The following CDH4 variants were observed in gnomAD, a reference collection of about 807,000 sequenced individuals.
CDH4 encodes cadherin 4, also known as cadherin-4.
In CDH4, 33 loss-of-function variants were observed where a neutral mutation model predicts 86.0. The observed-to-expected ratio is 0.38, with a 90% CI of 0.29 to 0.51. The LOEUF (loss-of-function observed/expected upper bound fraction) is 0.51. Ranked by LOEUF, CDH4 falls within the 20% of genes least tolerant of loss-of-function variation. CDH4 has a pLI of 0.86. For synonymous variants in CDH4, 555 were observed against 549.4 expected, an observed-to-expected ratio of 1.01 and a Z score of -0.14; for missense variants, 1,114 against 1,307.4, an observed-to-expected ratio of 0.85 and a Z score of 2.28.
At chr20:61,852,624 GC>G (rs981968397) in intron 5 of CDH4, 129 bp from the exon 6 acceptor site, 21 of 821,498 alleles carry the variant, frequency 2.6e-5, no homozygotes, top group Admixed American at 2.4e-4. Context: ...CGTGTCCAAA[GC>G]CCCCCGGCCC....
intron 2 of CDH4, among the ~76,000 whole-genome samples, chr20:61,304,084 G>A (rs546926483): frequency 3.9e-5 from 6 of 152,248 alleles, no homozygotes; most frequent in East Asian, 1.9e-4. Context: ...CAAGGAACCC[G>A]TGTCCTGGGG....
intron 2 of CDH4, among the ~76,000 whole-genome samples, chr20:61,596,942 A>G (rs1600793086): frequency 1.3e-5 from 2 of 152,228 alleles, no homozygotes; most frequent in Non-Finnish European, 2.9e-5. Flanking sequence ...GCAAATAATC[A>G]TATTGGCATG....
chr20:61,427,447 T>C (rs2085221181), intron 2 of CDH4, among the ~76,000 whole-genome samples: 1 of 152,106 alleles, frequency 6.6e-6, no homozygotes, highest in South Asian at 2.1e-4. Flanking sequence ...TCCCTGATTC[T>C]GGATCTGTGT....
intron 3 of CDH4, 105 bp downstream of exon 3, chr20:61,743,894 C>A: frequency 1.2e-6 from 1 of 852,798 alleles, no homozygotes; most frequent in Non-Finnish European, 1.9e-6. Flanking sequence ...CAGACAGTCA[C>A]CTCCTCCTCG....
rs982990910 is a variant in CDH4, at chr20:61,657,888, C to T, written c.170-85675C>T. 7.2e-5 allele frequency among the ~76,000 whole-genome samples: 11 copies of T among 152,104 alleles called. 1 individual carries two copies. Among genetic ancestry groups the T allele is most frequent in the Non-Finnish European group, 7.4e-5 (5 of 68,018 alleles). Reference sequence around the variant, plus strand: ...GCCCATTTGTGCTACGTCACGGTGCCGGGCCTGGGAAGGACACATGTGGAG... The same window carrying T: ...GCCCATTTGTGCTACGTCACGGTGCTGGGCCTGGGAAGGACACATGTGGAG... On this transcript the variant is annotated intron_variant, in intron 2 of 15. Transcript: ENST00000614565.
At chr20:61,741,400 G>A (rs914661745) in intron 2 of CDH4, among the ~76,000 whole-genome samples, 9 of 152,132 alleles carry the variant, frequency 5.9e-5, no homozygotes, top group Non-Finnish European at 8.8e-5. Flanking sequence ...TGACGCCACC[G>A]CTGTTTCCTG....
intron 15 of CDH4, among the ~76,000 whole-genome samples, chr20:61,936,187 G>C (rs2055180513): frequency 1.3e-5 from 2 of 151,890 alleles, no homozygotes; most frequent in Non-Finnish European, 2.9e-5. Context: ...AGCTAGACTG[G>C]AGAACCATCT....
intron 7 of CDH4, among the ~76,000 whole-genome samples, chr20:61,890,787 GCT>G (rs1422355005): frequency 6.6e-6 from 1 of 152,138 alleles, no homozygotes; most frequent in African/African-American, 2.4e-5. Flanking sequence ...GTAAATGTCA[GCT>G]CTGTTAGACA....
intron 2 of CDH4, among the ~76,000 whole-genome samples, chr20:61,471,663 T>C (rs2085504472): frequency 6.6e-6 from 1 of 152,058 alleles, no homozygotes; most frequent in African/African-American, 2.4e-5. Flanking sequence ...AACTTCCCTC[T>C]TAGTACTACT....
intron 2 of CDH4, among the ~76,000 whole-genome samples, chr20:61,602,190 G>A (rs1029313654): frequency 3.3e-5 from 5 of 152,182 alleles, no homozygotes; most frequent in African/African-American, 9.7e-5. Flanking sequence ...GCCCTCCCAG[G>A]TTAGGGGATG....
intron 2 of CDH4, among the ~76,000 whole-genome samples, chr20:61,325,652 T>TG (rs539656710): frequency 9.3e-5 from 14 of 150,630 alleles, no homozygotes; most frequent in African/African-American, 3.4e-4. Flanking sequence ...TGGTGCGACT[T>TG]GGGGGGGCCA....
intron 2 of CDH4, among the ~76,000 whole-genome samples, chr20:61,342,728 T>C (rs965549272): frequency 7.1e-5 from 10 of 141,310 alleles, no homozygotes; most frequent in Admixed American, 4.9e-4. Flanking sequence ...TGCAGTATCC[T>C]GGGCGGGGAG....
At chr20:61,373,231 T>C (rs1439028207) in intron 2 of CDH4, among the ~76,000 whole-genome samples, 1 of 151,952 alleles carries the variant, frequency 6.6e-6, no homozygotes, top group East Asian at 1.9e-4. Flanking sequence ...AACAACACCC[T>C]GTGTCCTGTG....
rs1420470663 is a variant in CDH4, at chr20:61,838,853, GAAAAGGA to G, written c.577-5810_577-5804del. ...AAAAAAAAAAAGAAAGAAAGAAAAGGAAAAGGAAAAAAAAAAGAAAAGAAAATTGCCT... is the reference window on the plus strand; with the variant it reads ...AAAAAAAAAAAGAAAGAAAGAAAAGGAAAAAAAAAGAAAAGAAAATTGCCT... On this transcript the variant is annotated intron_variant, in intron 4 of 15. Transcript: ENST00000614565. 6.4e-4 allele frequency among the ~76,000 whole-genome samples: 12 copies of G among 18,860 alleles called. No homozygotes were observed. In the Admixed American group the frequency reaches 7.0e-3, roughly 11 times the overall value. The allele number at this position is 18,860 out of a possible 152,430, so 12.4% of individuals were successfully genotyped here. A position where few individuals can be genotyped will look rare whatever the true frequency, so the allele number is the denominator to read the frequency against.
chr20:61,838,539 C>T (rs941612096), intron 4 of CDH4, among the ~76,000 whole-genome samples: 12 of 152,206 alleles, frequency 7.9e-5, no homozygotes, highest in East Asian at 1.9e-4. Context: ...CGGCCAGGCA[C>T]GGTGGCTCAC....
intron 4 of CDH4, among the ~76,000 whole-genome samples, chr20:61,789,020 C>T (rs929663353): frequency 1.8e-4 from 28 of 152,210 alleles, no homozygotes; most frequent in Admixed American, 2.0e-4. Context: ...GGGGCCCTAG[C>T]ATCAAGCTGG....
chr20:61,927,672 C>A (rs116620873), intron 11 of CDH4, among the ~76,000 whole-genome samples: 1 of 152,174 alleles, frequency 6.6e-6, no homozygotes, highest in Non-Finnish European at 1.5e-5. Flanking sequence ...ATGTGGTGGG[C>A]GGATCCCAGC....
At chr20:61,745,299 C>T (rs1372041975) in intron 3 of CDH4, among the ~76,000 whole-genome samples, 4 of 152,184 alleles carry the variant, frequency 2.6e-5, no homozygotes, top group Non-Finnish European at 4.4e-5. Context: ...ACCAAGGAAC[C>T]CTTCTCCATG....
chr20:61,315,452 G>C (rs780503728), intron 2 of CDH4, among the ~76,000 whole-genome samples: 1 of 152,152 alleles, frequency 6.6e-6, no homozygotes, highest in Non-Finnish European at 1.5e-5. Flanking sequence ...GCCTCAGACA[G>C]ATTTTCAGCT....
Sources: allele counts gnomAD v4.1 joint callset (sites outside exome capture counted in the v4.1 genomes callset), GRCh38; gene constraint gnomAD v4.1.1; transcripts MANE v1.5; gene names NCBI Gene and HGNC (gene_info 2026-07-23, HGNC 2026-07-21).